Variants in ARIH1 observed in about 807,000 individuals in gnomAD.
ARIH1 encodes the protein ariadne RBR E3 ubiquitin protein ligase 1.
ARIH1 carries 8 observed loss-of-function variants against 85.0 expected under a neutral mutation model. That is an observed-to-expected ratio of 0.09 (90% confidence interval 0.06 to 0.17). The LOEUF is 0.17. ARIH1 is among the 10% of genes least tolerant of loss of function. ARIH1 has a pLI of 1.00. For missense variants in ARIH1, 311 were observed against 718.1 expected (o/e 0.43, Z 6.48); for synonymous variants, 238 against 253.6 (o/e 0.94, Z 0.59).
At chr15:72,569,121 C>G (rs1268938711) in intron 9 of ARIH1, among the ~76,000 whole-genome samples, 1 of 152,036 alleles carries the variant, frequency 6.6e-6, no homozygotes, top group African/African-American at 2.4e-5. Flanking sequence ...CCAACCTGGG[C>G]AACATGGTGA....
chr15:72,578,770 AAATATCCCC>A (rs1444501302), intron 11 of ARIH1, among the ~76,000 whole-genome samples: 2 of 151,638 alleles, frequency 1.3e-5, no homozygotes, highest in East Asian at 3.9e-4. Context: ...TCTATTGTTC[AAATATCCCC>A]AATTATCTTA....
chr15:72,483,548 C>CTTG (rs1285076606), intron 1 of ARIH1, among the ~76,000 whole-genome samples: 1 of 152,192 alleles, frequency 6.6e-6, no homozygotes, highest in Non-Finnish European at 1.5e-5. Flanking sequence ...CTGTTTGTCT[C>CTTG]TGTCTCTCTC....
chr15:72,551,953 A>G (rs2064154590), intron 3 of ARIH1, among the ~76,000 whole-genome samples: 1 of 152,234 alleles, frequency 6.6e-6, no homozygotes, highest in Admixed American at 6.5e-5. Context: ...TAGATTGGCA[A>G]AGATCAAGGA....
intron 1 of ARIH1, among the ~76,000 whole-genome samples, chr15:72,503,270 G>A (rs1162637580): frequency 6.6e-6 from 1 of 152,218 alleles, no homozygotes; most frequent in East Asian, 1.9e-4. Flanking sequence ...CAGAAATGCA[G>A]CATAGCATTA....
In ARIH1 at chr15:72,587,371, G is replaced by A; in HGVS notation, c.*4079G>A. The A allele has an allele frequency of 2.3e-6, 1 of 443,926 alleles. No individual in the cohort carries two copies. The highest frequency in any genetic ancestry group is 4.6e-6 in the Non-Finnish European group (1 of 215,764). The allele number at this position is 443,926 out of a possible 1,614,324, so 27.5% of individuals were successfully genotyped here. A position where few individuals can be genotyped will look rare whatever the true frequency, so the allele number is the denominator to read the frequency against. On this transcript the variant is annotated 3_prime_UTR_variant, in exon 14 of 14. Transcript: ENST00000379887. ...AATGCCTATCACTGCTACTGTTAGA[G>A]GTTGCTCTATACTATCTCTGATCTT...
intron 9 of ARIH1, 69 bp downstream of exon 9, chr15:72,567,246 A>C: frequency 8.1e-7 from 1 of 1,241,330 alleles, no homozygotes; most frequent in Non-Finnish European, 1.2e-6. Context: ...CATTAGCAAA[A>C]GCAATGAGGT....
Position 72,592,818 on chromosome 15 carries a change from A to G in ARIH1, c.*9526A>G, listed in dbSNP as rs2064348310. On this transcript the variant is annotated 3_prime_UTR_variant, in exon 14 of 14. Transcript: ENST00000379887. Reference sequence around the variant, plus strand: ...TGTTTATTCATTCTCCTATTGAAGGACCTTTAGGTTGTTTCCAGTTTGGGG... The same window carrying G: ...TGTTTATTCATTCTCCTATTGAAGGGCCTTTAGGTTGTTTCCAGTTTGGGG... 1 of 152,140 alleles carries G rather than the reference A, an allele frequency of 6.6e-6. No homozygotes were observed. 9.4% of individuals were successfully genotyped at this position (152,140 alleles called of 1,614,324 possible).
chr15:72,544,555 C>T (rs777944484), intron 2 of ARIH1, among the ~76,000 whole-genome samples: 16 of 149,892 alleles, frequency 1.1e-4, no homozygotes, highest in Non-Finnish European at 2.4e-4. Context: ...TACATACATA[C>T]ACACACACAC....
rs59597213 is a variant in ARIH1, at chr15:72,595,808, G to GTTTTTTTTTTTTTTTTTTTCTT, written c.*12534_*12535insTCTTTTTTTTTTTTTTTTTTTT. On this transcript the variant is annotated 3_prime_UTR_variant, in exon 14 of 14. Coordinates refer to ENST00000379887, the MANE Select transcript of ARIH1 (RefSeq NM_005744.5). ...TATTGCAGTGTTTTTTGTTTTTTCT[G>GTTTTTTTTTTTTTTTTTTTCTT]TTTTTTTTTTTTTTTTTTCATCTTT... 1.6e-5 allele frequency: 2 copies of GTTTTTTTTTTTTTTTTTTTCTT among 122,828 alleles called. No individual in the cohort carries two copies. The highest frequency in any genetic ancestry group is 2.8e-5 in the African/African-American group (1 of 36,108). The allele number at this position is 122,828 out of a possible 1,614,324, so 7.6% of individuals were successfully genotyped here.
intron 1 of ARIH1, among the ~76,000 whole-genome samples, chr15:72,514,178 A>G (rs1269667814): frequency 6.6e-6 from 1 of 151,900 alleles, no homozygotes; most frequent in Non-Finnish European, 1.5e-5. Context: ...GTTTGTCTTC[A>G]TTTCTGAACT....
chr15:72,572,937 A>T (rs554430489), intron 11 of ARIH1, among the ~76,000 whole-genome samples: 1 of 152,190 alleles, frequency 6.6e-6, no homozygotes, highest in Non-Finnish European at 1.5e-5. Flanking sequence ...AAGGGATCCA[A>T]ACACTAGGTG....
At chr15:72,482,501 A>G (rs753455377) in intron 1 of ARIH1, among the ~76,000 whole-genome samples, 11 of 152,204 alleles carry the variant, frequency 7.2e-5, no homozygotes, top group Non-Finnish European at 1.6e-4. Context: ...GGTGAGAATG[A>G]GGAGAGTTTT....
chr15:72,504,276 AGC>A, intron 1 of ARIH1, among the ~76,000 whole-genome samples: 1 of 152,194 alleles, frequency 6.6e-6, no homozygotes, highest in South Asian at 2.1e-4. Context: ...GCTGGACTCG[AGC>A]TTCTGACCTC....
At chr15:72,525,192 A>G (rs1452958127) in intron 2 of ARIH1, among the ~76,000 whole-genome samples, 3 of 152,210 alleles carry the variant, frequency 2.0e-5, no homozygotes, top group Non-Finnish European at 2.9e-5. Flanking sequence ...TGCCTGGCCA[A>G]TTTAGTAGGA....
In ARIH1 at chr15:72,589,290, T is replaced by TG. The variant is rs930618567; in HGVS notation, c.*5999dup. On this transcript the variant is annotated 3_prime_UTR_variant, in exon 14 of 14. Transcript: ENST00000379887. ...CCATATGTTCATTCTATTATGCTGCTGTTGTCTGTTACATAGGAATATTGT... is the reference window on the plus strand; with the variant it reads ...CCATATGTTCATTCTATTATGCTGCTGGTTGTCTGTTACATAGGAATATTGT... The TG allele has an allele frequency of 1.3e-5, 2 of 152,230 alleles. No individual in the cohort carries two copies. The highest frequency in any genetic ancestry group is 4.8e-5 in the African/African-American group (2 of 41,462). 9.4% of individuals were successfully genotyped at this position (152,230 alleles called of 1,614,324 possible).
At chr15:72,518,192 C>A in intron 2 of ARIH1, 58 bp downstream of exon 2, 2 of 1,419,180 alleles carry the variant, frequency 1.4e-6, no homozygotes, top group Non-Finnish European at 9.8e-7. Context: ...CCTATTGAAC[C>A]GAATTTACAA....
chr15:72,570,857 G>A (rs908862473), intron 10 of ARIH1, among the ~76,000 whole-genome samples: 4 of 152,100 alleles, frequency 2.6e-5, no homozygotes, highest in African/African-American at 7.2e-5. Flanking sequence ...GGCCAGGCAC[G>A]GTGGCTCACA....
intron 1 of ARIH1, among the ~76,000 whole-genome samples, chr15:72,486,866 G>A (rs911554169): frequency 2.6e-5 from 4 of 151,024 alleles, no homozygotes; most frequent in Middle Eastern, 6.4e-3. Flanking sequence ...GCTAATTTTT[G>A]TATTTTTTGG....
chr15:72,502,180 C>G (rs150018285), intron 1 of ARIH1, among the ~76,000 whole-genome samples: 153 of 152,212 alleles, frequency 1.0e-3, no homozygotes, highest in African/African-American at 3.6e-3. Context: ...TGGAAGAAAT[C>G]AAATGATTAT....
Sources: allele counts gnomAD v4.1 joint callset (sites outside exome capture counted in the v4.1 genomes callset), GRCh38; gene constraint gnomAD v4.1.1; transcripts MANE v1.5; gene names NCBI Gene and HGNC (gene_info 2026-07-23, HGNC 2026-07-21).